The following FREM1 variants were observed in gnomAD, a reference collection of about 807,000 sequenced individuals.
The protein encoded by FREM1 is FRAS1-related extracellular matrix protein 1.
A neutral mutation model predicts 210.1 loss-of-function variants in FREM1; 220 were observed. The ratio of observed to expected loss-of-function variants is 1.05; its 90% CI spans 0.94 to 1.17. The LOEUF (loss-of-function observed/expected upper bound fraction) is 1.17, where lower values mean the gene tolerates loss of function less well. Among genes scored for constraint, FREM1 ranks in the 50% most tolerant of loss-of-function variants. FREM1 has a pLI of 0.00. For synonymous variants in FREM1, 1,189 were observed against 980.2 expected, an observed-to-expected ratio of 1.21 and a Z score of -3.98; for missense variants, 3,454 against 2,675.5, an observed-to-expected ratio of 1.29 and a Z score of -6.42.
chr9:14,750,803 G>C (rs1233927188), intron 29 of FREM1, among the ~76,000 whole-genome samples: 3 of 152,104 alleles, frequency 2.0e-5, no homozygotes, highest in African/African-American at 7.2e-5. Context: ...TGCTTTTTCT[G>C]ATGATATAAT....
chr9:14,806,387 C>T (rs920261953), intron 18 of FREM1, among the ~76,000 whole-genome samples: 4 of 151,784 alleles, frequency 2.6e-5, no homozygotes, highest in African/African-American at 9.7e-5. Context: ...TCCCAAGTAG[C>T]TGGGATTACA....
intron 4 of FREM1, among the ~76,000 whole-genome samples, chr9:14,858,053 G>T (rs1374341997): frequency 3.3e-5 from 5 of 152,140 alleles, no homozygotes. Flanking sequence ...GTGACTCACT[G>T]CAGGCCTTCC....
chr9:14,766,340 A>C (rs903044854), intron 27 of FREM1, among the ~76,000 whole-genome samples: 2 of 152,118 alleles, frequency 1.3e-5, no homozygotes, highest in African/African-American at 4.8e-5. Flanking sequence ...CATTCCATGA[A>C]AAATTGGTTC....
chr9:14,899,358 T>C (rs1228355641), intron 1 of FREM1, among the ~76,000 whole-genome samples: 1 of 152,166 alleles, frequency 6.6e-6, no homozygotes, highest in Non-Finnish European at 1.5e-5. Context: ...AAAGCCAAAC[T>C]TGATCTGCTC....
chr9:14,851,637 G>A (rs776343158), intron 5 of FREM1, 30 bp from the exon 6 acceptor site: 12 of 1,492,806 alleles, frequency 8.0e-6, no homozygotes, highest in Non-Finnish European at 1.0e-5. Flanking sequence ...ATATAAAGGA[G>A]GAAATAATAT....
chr9:14,825,041 CAA>C (rs1445192643), intron 10 of FREM1, 49 bp from the exon 11 acceptor site: 1 of 1,313,964 alleles, frequency 7.6e-7, no homozygotes, highest in African/African-American at 1.5e-5. Context: ...AAAAAAACAA[CAA>C]AGAAAATGCC....
At chr9:14,798,127 T>C (rs952385791) in intron 20 of FREM1, among the ~76,000 whole-genome samples, 3 of 152,084 alleles carry the variant, frequency 2.0e-5, no homozygotes, top group Non-Finnish European at 2.9e-5. Context: ...AGAACAAAAT[T>C]GGAAGCCTAA....
chr9:14,883,262 AG>A (rs200417833), intron 1 of FREM1, among the ~76,000 whole-genome samples: 1,727 of 152,314 alleles, frequency 0.011, 33 homozygotes, highest in African/African-American at 0.039. Context: ...CACAGTTAGG[AG>A]GGGGGAAAAG....
intron 13 of FREM1, among the ~76,000 whole-genome samples, chr9:14,819,734 C>T (rs1392313163): frequency 1.3e-5 from 2 of 152,202 alleles, no homozygotes; most frequent in African/African-American, 4.8e-5. Flanking sequence ...GCAATCATTA[C>T]TATCTGTGCT....
At chr9:14,794,628 A>G (rs1397558297) in intron 21 of FREM1, among the ~76,000 whole-genome samples, 1 of 152,222 alleles carries the variant, frequency 6.6e-6, no homozygotes, top group Non-Finnish European at 1.5e-5. Flanking sequence ...CATGCTCTCA[A>G]AGAGTCCAGG....
At chr9:14,814,873 A>G (rs1820024520) in intron 15 of FREM1, among the ~76,000 whole-genome samples, 1 of 152,234 alleles carries the variant, frequency 6.6e-6, no homozygotes. Flanking sequence ...TTTAAAAAGA[A>G]ACAATAAACA....
chr9:14,873,922 T>G (rs574050330), intron 1 of FREM1, among the ~76,000 whole-genome samples: 71 of 152,362 alleles, frequency 4.7e-4, no homozygotes, highest in African/African-American at 1.6e-3. Context: ...CATTTCGTTA[T>G]GTACCCAGTA....
intron 27 of FREM1, among the ~76,000 whole-genome samples, chr9:14,761,733 C>G (rs541988882): frequency 6.6e-6 from 1 of 152,300 alleles, no homozygotes; most frequent in East Asian, 1.9e-4. Flanking sequence ...CAAGAATCAT[C>G]CCTTTGTCCA....
intron 19 of FREM1, 26 bp from the exon 20 acceptor site, chr9:14,801,900 C>T (rs1817359922): frequency 2.0e-6 from 3 of 1,517,014 alleles, no homozygotes; most frequent in Non-Finnish European, 2.7e-6. Flanking sequence ...TGAGAAAAGT[C>T]AACAATGCAT....
chr9:14,851,184 G>A, intron 6 of FREM1, 100 bp downstream of exon 6: 3 of 830,250 alleles, frequency 3.6e-6, no homozygotes, highest in Non-Finnish European at 5.6e-6. Context: ...TCTTTTCTGA[G>A]GCAATGAATG....
At chr9:14,800,261 G>C (rs1420743128) in intron 20 of FREM1, among the ~76,000 whole-genome samples, 1 of 152,086 alleles carries the variant, frequency 6.6e-6, no homozygotes, top group Non-Finnish European at 1.5e-5. Context: ...TTAACAGAAA[G>C]GTGCGTTCTG....
At position 14,774,655 on chromosome 9, in the gene FREM1, T is replaced by C. The variant is rs1312534370; in HGVS notation, c.4857+1134A>G. On this transcript the variant is annotated intron_variant, in intron 25 of 36. Coordinates refer to ENST00000380880, the MANE Select transcript of FREM1 (RefSeq NM_001379081.2). The stretch of plus-strand genomic sequence containing the variant: ...CTATTTTGTGTTTGGTGTGAGTGTG[T>C]AGAAGAGGGTGAACTACTTCCAAGG... 2.0e-5 allele frequency among the ~76,000 whole-genome samples: 3 copies of C among 152,134 alleles called. 1 individual carries two copies. The highest frequency in any genetic ancestry group is 6.3e-3 in the Middle Eastern group (2 of 316).
chr9:14,803,300 TTCTC>T (rs1262708553), intron 19 of FREM1, among the ~76,000 whole-genome samples: 6 of 139,278 alleles, frequency 4.3e-5, no homozygotes, highest in South Asian at 2.5e-4. Flanking sequence ...TCCTTTCCCT[TTCTC>T]TCTTTTTCTT....
rs762137224 is a variant in FREM1 at position 14,770,744 on chromosome 9, C to T, written c.4920G>A (p.Gly1640=). The stretch of plus-strand genomic sequence containing the variant: ...TCCCGTAGCAGCCATTTTTCAGGAG[C>T]CCCACTTGAGAAGGGGAATGCAAGA... The part of the protein sequence containing the change: ...ITLLHSPSQV[G]LLKNGCYGIY... The change falls in exon 26 of 37, where the codon GGG becomes GGA. Residue 1640 remains glycine (G), a synonymous_variant. Transcript: ENST00000380880. 1.1e-5 allele frequency: 17 copies of T among 1,613,470 alleles called. No homozygotes were observed. The South Asian group carries it at 1.9e-4, about 18-fold the overall frequency.
Sources: allele counts gnomAD v4.1 joint callset (sites outside exome capture counted in the v4.1 genomes callset), GRCh38; gene constraint gnomAD v4.1.1; transcripts MANE v1.5; gene names NCBI Gene and HGNC (gene_info 2026-07-23, HGNC 2026-07-21).